KCNN2: variants seen among roughly 807,000 people sequenced by gnomAD.
KCNN2 encodes the protein small conductance calcium-activated potassium channel protein 2.
In KCNN2, 24 loss-of-function variants were observed where a neutral mutation model predicts 55.5. That is an observed-to-expected ratio of 0.43 (90% confidence interval 0.31 to 0.61). KCNN2 has a LOEUF of 0.61. Ranked by LOEUF, KCNN2 falls within the 20% of genes least tolerant of loss-of-function variation. The pLI is 0.08. For synonymous variants in KCNN2, 431 were observed against 336.1 expected (o/e 1.28, Z -3.09); for missense variants, 754 against 853.6 (o/e 0.88, Z 1.45).
Position 114,213,597 on chromosome 5 carries a change from T to A in KCNN2, c.-270-7883T>A, listed in dbSNP as rs550630381. ...GTAGAGAATTCTGGTAAAAAATCTA[T>A]TTCCTTCAAACTATTGAAAGCATTT... On this transcript the variant is annotated intron_variant, in intron 1 of 10. Coordinates refer to the KCNN2 transcript ENST00000512097. Among the ~76,000 whole-genome samples, 15 of 152,190 alleles carry A rather than the reference T, an allele frequency of 9.9e-5. No individual in the cohort carries two copies. In the South Asian group the frequency reaches 3.1e-3, roughly 32 times the overall value.
chr5:114,220,806 A>C (rs556664599), intron 1 of KCNN2, among the ~76,000 whole-genome samples: 1 of 148,730 alleles, frequency 6.7e-6, no homozygotes, highest in South Asian at 2.1e-4. Context: ...AGCCTGCCTG[A>C]CAGAGCTAGA....
chr5:114,069,102 A>G (rs1750512014), intron 1 of KCNN2, among the ~76,000 whole-genome samples: 1 of 152,184 alleles, frequency 6.6e-6, no homozygotes, highest in African/African-American at 2.4e-5. Flanking sequence ...GGCGTGAGCC[A>G]CCGCACCCTG....
At chr5:114,221,900 C>T (rs1389355071) in intron 2 of KCNN2, among the ~76,000 whole-genome samples, 2 of 152,104 alleles carry the variant, frequency 1.3e-5, no homozygotes, top group Non-Finnish European at 2.9e-5. Context: ...AGTTTTAGCT[C>T]TACTTTTAAT....
At chr5:114,079,869 CAG>C (rs1275741133) in intron 1 of KCNN2, among the ~76,000 whole-genome samples, 4 of 145,976 alleles carry the variant, frequency 2.7e-5, no homozygotes, top group African/African-American at 5.1e-5. Context: ...GAGAGAGAGA[CAG>C]AGAGACAGAG....
chr5:114,077,196 ATTCTC>A (rs1363681526), intron 1 of KCNN2, among the ~76,000 whole-genome samples: 2 of 152,188 alleles, frequency 1.3e-5, no homozygotes, highest in Non-Finnish European at 2.9e-5. Flanking sequence ...AGACCTAAGC[ATTCTC>A]TTCTCCCAGG....
rs372735594 is a variant in KCNN2 at position 114,200,102 on chromosome 5, T to C, written c.-270-21378T>C. 1.5e-4 allele frequency among the ~76,000 whole-genome samples: 23 copies of C among 152,304 alleles called. No individual in the cohort carries two copies. In the East Asian group the frequency reaches 4.2e-3, roughly 28 times the overall value. ...CATTGATTATTTTTTTAGATATATA[T>C]TCTAAACTATTTGATCTCTTTCTTT... On this transcript the variant is annotated intron_variant, in intron 1 of 10. Transcript: ENST00000512097.
chr5:114,363,857 G>T (rs868232899), intron 1 of KCNN2, 49 bp from the exon 2 acceptor site: 1 of 1,449,232 alleles, frequency 6.9e-7, no homozygotes, highest in South Asian at 1.1e-5. Context: ...GTGGAAGGCG[G>T]TTAAAAGTGC....
chr5:114,309,219 A>G (rs1016724514), intron 2 of KCNN2, among the ~76,000 whole-genome samples: 11 of 152,182 alleles, frequency 7.2e-5, no homozygotes, highest in African/African-American at 2.7e-4. Flanking sequence ...CAACAGTTTT[A>G]CCCAAGGCAG....
intron 3 of KCNN2, among the ~76,000 whole-genome samples, chr5:114,459,121 G>A (rs1761073898): frequency 6.6e-6 from 1 of 151,990 alleles, no homozygotes; most frequent in African/African-American, 2.4e-5. Flanking sequence ...AAATGAATTA[G>A]GAATAGAAAC....
chr5:114,141,603 T>C (rs1340378044), intron 1 of KCNN2, among the ~76,000 whole-genome samples: 2 of 152,156 alleles, frequency 1.3e-5, no homozygotes, highest in Non-Finnish European at 2.9e-5. Context: ...TGTGTGAATG[T>C]TTCTTTATAG....
At chr5:114,260,432 ACTT>A (rs1191868392) in intron 2 of KCNN2, among the ~76,000 whole-genome samples, 1 of 151,906 alleles carries the variant, frequency 6.6e-6, no homozygotes, top group African/African-American at 2.4e-5. Context: ...TCATATTTTT[ACTT>A]CTTCTTATCA....
At chr5:114,462,935 TA>T in intron 3 of KCNN2, 113 bp from the exon 4 acceptor site, 2 of 1,003,494 alleles carry the variant, frequency 2.0e-6, no homozygotes, top group Non-Finnish European at 2.9e-6. Flanking sequence ...TGAAAACTTC[TA>T]AATATAGCAG....
intron 2 of KCNN2, among the ~76,000 whole-genome samples, chr5:114,233,701 T>A (rs1754412231): frequency 6.6e-6 from 1 of 152,222 alleles, no homozygotes; most frequent in South Asian, 2.1e-4. Flanking sequence ...CCAATGGGCA[T>A]ATTTTAATCA....
intron 2 of KCNN2, among the ~76,000 whole-genome samples, chr5:114,395,804 T>C (rs1393749076): frequency 6.6e-6 from 1 of 152,198 alleles, no homozygotes; most frequent in East Asian, 1.9e-4. Flanking sequence ...CTTCACTGCC[T>C]GCTGCTTTCC....
chr5:114,175,988 A>G (rs1463834494), intron 1 of KCNN2, among the ~76,000 whole-genome samples: 1 of 152,190 alleles, frequency 6.6e-6, no homozygotes, highest in African/African-American at 2.4e-5. Flanking sequence ...CATATTTCTT[A>G]TTGGAGATAA....
At position 114,321,547 on chromosome 5, in the gene KCNN2, A is replaced by G. The variant is rs550213866; in HGVS notation, c.-184-39398A>G. Among the ~76,000 whole-genome samples the G allele has an allele frequency of 5.3e-5, 8 of 152,322 alleles. No individual in the cohort carries two copies. In the South Asian group the frequency reaches 8.3e-4, roughly 16 times the overall value. The stretch of plus-strand genomic sequence containing the variant: ...TGAAAGCACAGGGAAGGAAGGGTAA[A>G]TTCCAATGTTCTCAACCATGAAAAA... On this transcript the variant is annotated intron_variant, in intron 2 of 10. Coordinates refer to the KCNN2 transcript ENST00000512097.
At chr5:114,058,948 A>G (rs1750267197) in intron 1 of KCNN2, among the ~76,000 whole-genome samples, 4 of 152,194 alleles carry the variant, frequency 2.6e-5, no homozygotes, top group Admixed American at 2.6e-4. Flanking sequence ...TCGGGGGGTC[A>G]AGTTGCTGAA....
chr5:114,393,018 T>A lies in KCNN2; in HGVS notation c.1219-11420T>A, dbSNP rs115119508. Among the ~76,000 whole-genome samples, 794 of 152,258 alleles carry A rather than the reference T, an allele frequency of 5.2e-3. 4 individuals carry two copies. Among genetic ancestry groups the A allele is most frequent in the Non-Finnish European group, 8.6e-3 (583 of 68,004 alleles). ...GGGAAAAGCACCATATACTGTTCCATGATGGAGCCTCCTCTGATCTCCTCT... is the reference window on the plus strand; with the variant it reads ...GGGAAAAGCACCATATACTGTTCCAAGATGGAGCCTCCTCTGATCTCCTCT... On this transcript the variant is annotated intron_variant, in intron 2 of 7. Transcript: ENST00000673685.
At chr5:114,085,110 T>C (rs573314136) in intron 1 of KCNN2, among the ~76,000 whole-genome samples, 1 of 152,018 alleles carries the variant, frequency 6.6e-6, no homozygotes, top group African/African-American at 2.4e-5. Context: ...CTGTCTTGAT[T>C]ACTGTAGCTT....
Sources: gnomAD v4.1 joint callset for allele counts (sites outside exome capture counted in the v4.1 genomes callset) on GRCh38, gnomAD v4.1.1 for gene constraint, MANE v1.5 for transcripts, NCBI Gene and HGNC (gene_info 2026-07-23, HGNC 2026-07-21) for gene names.